Variants in GK observed in about 807,000 individuals in gnomAD.
GK encodes ATP:glycerol 3-phosphotransferase.
GK carries 9 observed loss-of-function variants against 56.4 expected under a neutral mutation model. That is an observed-to-expected ratio of 0.16 (90% CI 0.10 to 0.28). The LOEUF is 0.28. Among genes scored for constraint, GK ranks in the 10% least tolerant of loss-of-function variants. The pLI, the probability that GK is intolerant of heterozygous loss-of-function variation, is 1.00. For missense variants in GK, 161 were observed against 431.4 expected (o/e 0.37, Z 5.55); for synonymous variants, 104 against 144.1 (o/e 0.72, Z 1.99).
intron 13 of GK, among the ~76,000 whole-genome samples, chrX:30,712,465 A>C (rs975635041): frequency 2.7e-5 from 3 of 110,335 alleles, no homozygotes; most frequent in African/African-American, 9.9e-5. Context: ...AGTTTACCCC[A>C]TCTAGTACAT....
At chrX:30,718,880 C>T (rs1222239847) in intron 14 of GK, among the ~76,000 whole-genome samples, 1 of 111,727 alleles carries the variant, frequency 9.0e-6, no homozygotes, top group Non-Finnish European at 1.9e-5. Flanking sequence ...TGGAGATTGC[C>T]AGAACCTGCA....
At chrX:30,684,666 CAAAAAAAAAAAA>C (rs60771873) in intron 4 of GK, among the ~76,000 whole-genome samples, 2 of 32,399 alleles carry the variant, frequency 6.2e-5, no homozygotes, top group Admixed American at 5.1e-4. Flanking sequence ...AACTCCATCT[CAAAAAAAAAAAA>C]AAAAAAAAAA....
At chrX:30,675,867 G>A (rs955362579) in intron 3 of GK, among the ~76,000 whole-genome samples, 21 of 110,288 alleles carry the variant, frequency 1.9e-4, no homozygotes, top group African/African-American at 6.9e-4. Context: ...TCGGCTCACT[G>A]CAACCTCCGC....
chrX:30,687,716 T>C (rs1356042474), intron 4 of GK: 2 of 314,806 alleles, frequency 6.4e-6, no homozygotes, highest in African/African-American at 5.4e-5. Context: ...TCATTCCTTT[T>C]GATTGTTCTC....
At chrX:30,702,214 G>A (rs1935714433) in intron 11 of GK, among the ~76,000 whole-genome samples, 1 of 110,417 alleles carries the variant, frequency 9.1e-6, no homozygotes. Flanking sequence ...AGCTAATTTT[G>A]TATTTTTAGT....
chrX:30,667,802 G>T (rs989187568), intron 2 of GK, among the ~76,000 whole-genome samples: 3 of 112,228 alleles, frequency 2.7e-5, no homozygotes, highest in African/African-American at 9.7e-5. Flanking sequence ...CCTTGAAAAT[G>T]ATTAATTACT....
At chrX:30,701,966 T>C (rs1935691151) in intron 11 of GK, among the ~76,000 whole-genome samples, 1 of 112,476 alleles carries the variant, frequency 8.9e-6, no homozygotes, top group Non-Finnish European at 1.9e-5. Flanking sequence ...GCACTCTTTC[T>C]TTCTGTTCCC....
chrX:30,662,994 T>C (rs1467083639), intron 1 of GK, among the ~76,000 whole-genome samples: 3 of 109,655 alleles, frequency 2.7e-5, no homozygotes, highest in Non-Finnish European at 5.7e-5. Flanking sequence ...GTGATTCTCC[T>C]GCCTCAGCCT....
At chrX:30,687,259 C>T in intron 4 of GK, among the ~76,000 whole-genome samples, 1 of 111,360 alleles carries the variant, frequency 9.0e-6, no homozygotes, top group Non-Finnish European at 1.9e-5. Flanking sequence ...ATATATGTTG[C>T]CAGATAGAGA....
At position 30,702,322 on chromosome X, in the gene GK, G is replaced by A. The variant is rs112101929; in HGVS notation, c.851+1417G>A. On this transcript the variant is annotated intron_variant, in intron 11 of 20. Coordinates refer to ENST00000427190, the MANE Select transcript of GK (RefSeq NM_001205019.2). ...CTCCCAAAGTGCTGGGATTACAGGC[G>A]TGAGCCACCACTCCTGGCCAAGGTA... Among the ~76,000 whole-genome samples, 880 of 112,228 alleles carry A rather than the reference G, an allele frequency of 7.8e-3. 7 individuals are homozygous for A. Among genetic ancestry groups the A allele is most frequent in the African/African-American group, 0.027 (835 of 30,942 alleles).
At chrX:30,682,386 C>G (rs1419256414) in intron 4 of GK, among the ~76,000 whole-genome samples, 4 of 111,568 alleles carry the variant, frequency 3.6e-5, no homozygotes, top group Non-Finnish European at 7.5e-5. Context: ...AGTGACAAAC[C>G]AGGAAGACCT....
chrX:30,704,128 T>TTATATATATATATATATA (rs752736589), intron 11 of GK, among the ~76,000 whole-genome samples: 2,157 of 74,738 alleles, frequency 0.029, 84 homozygotes, highest in African/African-American at 0.047. Flanking sequence ...GTTATTCATT[T>TTATATATATATATATATA]TATATATATA....
rs775589402 is a variant in GK at position 30,687,637 on chromosome X, G to T, written c.338-3486G>T. Reference sequence around the variant, plus strand: ...CTCAGGTATTGGTGCTCTGGCTATTGCTCACTTCCCAGCCTCCCAAGTCCT... The same window carrying T: ...CTCAGGTATTGGTGCTCTGGCTATTTCTCACTTCCCAGCCTCCCAAGTCCT... On this transcript the variant is annotated intron_variant, in intron 4 of 20. Coordinates refer to ENST00000427190, the MANE Select transcript of GK (RefSeq NM_001205019.2). The T allele has an allele frequency of 4.7e-5, 16 of 339,233 alleles. No individual in the cohort carries two copies. The Admixed American group carries it at 5.0e-4, about 11-fold the overall frequency. The allele number at this position is 339,233 out of a possible 1,213,427, so 28.0% of individuals were successfully genotyped here. A position where few individuals can be genotyped will look rare whatever the true frequency, so the allele number is the denominator to read the frequency against.
intron 3 of GK, among the ~76,000 whole-genome samples, chrX:30,669,220 T>C (rs1933299544): frequency 9.5e-6 from 1 of 105,348 alleles, no homozygotes; most frequent in Non-Finnish European, 2.0e-5. Flanking sequence ...CTCGATCTTG[T>C]CCCCAAGGCT....
At chrX:30,658,798 A>G (rs1569138214) in intron 1 of GK, among the ~76,000 whole-genome samples, 1 of 112,191 alleles carries the variant, frequency 8.9e-6, no homozygotes, top group Non-Finnish European at 1.9e-5. Flanking sequence ...GGATAGAACC[A>G]TGTCCTTTTT....
chrX:30,708,440 G>A (rs777354823), intron 13 of GK, among the ~76,000 whole-genome samples: 3 of 108,067 alleles, frequency 2.8e-5, no homozygotes, highest in Non-Finnish European at 3.8e-5. Flanking sequence ...TCGGATTAAC[G>A]TGCTCTCTAA....
chrX:30,723,344 G>A (rs1311903601), intron 18 of GK, among the ~76,000 whole-genome samples: 1 of 108,311 alleles, frequency 9.2e-6, no homozygotes, highest in African/African-American at 3.4e-5. Context: ...GCAGTGAGCC[G>A]AGATGGCACC....
chrX:30,686,602 T>A (rs1211360370), intron 4 of GK, among the ~76,000 whole-genome samples: 1 of 112,169 alleles, frequency 8.9e-6, no homozygotes, highest in African/African-American at 3.2e-5. Context: ...TGGAAAGTTA[T>A]GAGGTTTTAT....
At chrX:30,725,313 A>G (rs1055853629) in intron 19 of GK, among the ~76,000 whole-genome samples, 43 of 111,879 alleles carry the variant, frequency 3.8e-4, no homozygotes, top group Admixed American at 3.8e-3. Flanking sequence ...TGTGGTCTGT[A>G]TTTTCAGTCC....
Sources: gnomAD v4.1 joint callset for allele counts (sites outside exome capture counted in the v4.1 genomes callset) on GRCh38, gnomAD v4.1.1 for gene constraint, MANE v1.5 for transcripts, NCBI Gene and HGNC (gene_info 2026-07-23, HGNC 2026-07-21) for gene names.